Variants in LHX8 observed in about 807,000 individuals in gnomAD.
LHX8 encodes the protein LIM homeobox 8.
In LHX8, 12 loss-of-function variants were observed where a neutral mutation model predicts 40.3. That is an observed-to-expected ratio of 0.30 (90% CI 0.19 to 0.48). The LOEUF (loss-of-function observed/expected upper bound fraction) is 0.48, where lower values mean the gene tolerates loss of function less well. Ranked by LOEUF, LHX8 falls within the 20% of genes least tolerant of loss-of-function variation. The probability of loss-of-function intolerance (pLI) is 0.99; values close to 1 mark genes in which losing one functional copy is unlikely to be tolerated. For missense variants in LHX8, 344 were observed against 433.7 expected (o/e 0.79, Z 1.84); for synonymous variants, 179 against 162.0 (o/e 1.10, Z -0.80).
the LHX8 span, among the ~76,000 whole-genome samples, chr1:75,190,949 ACT>A: frequency 6.6e-6 from 1 of 152,090 alleles, no homozygotes; most frequent in Non-Finnish European, 1.5e-5. Flanking sequence ...TAGTTACATG[ACT>A]CTGTTTGTTA....
Position 75,155,469 on chromosome 1 carries a change from T to C in LHX8, c.781-1424T>C, listed in dbSNP as rs185383103. On this transcript the variant is annotated intron_variant, in intron 7 of 8. Transcript: ENST00000356261. ...CAGGATGGTCTCGATCTCCTGACCT[T>C]GTGATTCGCCCGCCTTGGCCTCCCA... 3.2e-3 allele frequency among the ~76,000 whole-genome samples: 482 copies of C among 152,098 alleles called. 3 individuals are homozygous for C. The highest frequency in any genetic ancestry group is 0.023 in the South Asian group (113 of 4,812).
chr1:75,139,980 C>G (rs1648268442), intron 3 of LHX8, among the ~76,000 whole-genome samples: 1 of 152,100 alleles, frequency 6.6e-6, no homozygotes, highest in Non-Finnish European at 1.5e-5. Flanking sequence ...TTGTATGTTA[C>G]TGTTCTTTTA....
At chr1:75,187,704 T>C in the LHX8 span, among the ~76,000 whole-genome samples, 17,489 of 152,070 alleles carry the variant, frequency 0.12, 1,656 homozygotes, top group African/African-American at 0.26. Context: ...ATAGTAAGGG[T>C]CTGCACTTAA....
the LHX8 span, among the ~76,000 whole-genome samples, chr1:75,187,906 C>G: frequency 2.6e-5 from 4 of 152,104 alleles, no homozygotes; most frequent in Non-Finnish European, 5.9e-5. Flanking sequence ...AGGAGATAAC[C>G]AGGAATAAGA....
At chr1:75,137,314 G>A in intron 3 of LHX8, 53 bp downstream of exon 3, 1 of 1,560,170 alleles carries the variant, frequency 6.4e-7, no homozygotes, top group Non-Finnish European at 8.8e-7. Context: ...TAGCGTGGGA[G>A]CTCTGGGAAA....
chr1:75,167,829 G>A, the LHX8 span, among the ~76,000 whole-genome samples: 2 of 152,178 alleles, frequency 1.3e-5, no homozygotes, highest in African/African-American at 2.4e-5. Context: ...TGGGCTACAC[G>A]ATGGCCCATG....
At chr1:75,180,719 G>T in the LHX8 span, among the ~76,000 whole-genome samples, 67 of 152,294 alleles carry the variant, frequency 4.4e-4, no homozygotes, top group African/African-American at 1.6e-3. Flanking sequence ...TCTCAGTCGT[G>T]CTTTGTTCTC....
chr1:75,190,352 G>A, the LHX8 span, among the ~76,000 whole-genome samples: 117 of 151,898 alleles, frequency 7.7e-4, no homozygotes, highest in African/African-American at 2.6e-3. Context: ...TCAAAATTTT[G>A]CCCTATATTT....
chr1:75,148,743 A>G, intron 7 of LHX8, 61 bp downstream of exon 7: 3 of 1,162,684 alleles, frequency 2.6e-6, no homozygotes, highest in Non-Finnish European at 2.5e-6. Context: ...GGGTCTCCCT[A>G]TGTTGCCCAG....
At chr1:75,136,224 C>T (rs1332106027) in intron 1 of LHX8, among the ~76,000 whole-genome samples, 1 of 151,840 alleles carries the variant, frequency 6.6e-6, no homozygotes, top group Admixed American at 6.6e-5. Context: ...CCCCGCACCC[C>T]CTTTAGCCCG....
intron 8 of LHX8, among the ~76,000 whole-genome samples, chr1:75,159,054 A>T (rs1648845292): frequency 6.6e-6 from 1 of 152,140 alleles, no homozygotes; most frequent in African/African-American, 2.4e-5. Flanking sequence ...AATCTTGCAC[A>T]TCTTCTGTTA....
At chr1:75,146,147 A>G (rs180810163) in intron 6 of LHX8, among the ~76,000 whole-genome samples, 21 of 152,238 alleles carry the variant, frequency 1.4e-4, no homozygotes, top group African/African-American at 4.3e-4. Context: ...AAACTCTCCT[A>G]CATTTAGGAA....
chr1:75,150,582 A>C (rs1223833049), intron 7 of LHX8, among the ~76,000 whole-genome samples: 1 of 152,146 alleles, frequency 6.6e-6, no homozygotes, highest in Non-Finnish European at 1.5e-5. Flanking sequence ...GGTGGAGAAG[A>C]AGCATGGAAG....
the LHX8 span, among the ~76,000 whole-genome samples, chr1:75,198,590 C>T: frequency 0.01 from 1,562 of 152,262 alleles, 24 homozygotes; most frequent in African/African-American, 0.035. Context: ...TCCCCTTGGC[C>T]TGTTTCTCAA....
At chr1:75,171,090 G>T in the LHX8 span, among the ~76,000 whole-genome samples, 1 of 152,088 alleles carries the variant, frequency 6.6e-6, no homozygotes, top group South Asian at 2.1e-4. Flanking sequence ...CAGGTGGCCT[G>T]GGAACAAGCC....
intron 3 of LHX8, 66 bp downstream of exon 3, chr1:75,137,327 A>G: frequency 4.0e-6 from 6 of 1,495,328 alleles, no homozygotes; most frequent in Non-Finnish European, 5.6e-6. Context: ...CTGGGAAAAG[A>G]GTAATGTTCC....
At chr1:75,149,704 C>T (rs753788953) in intron 7 of LHX8, among the ~76,000 whole-genome samples, 16 of 152,248 alleles carry the variant, frequency 1.1e-4, no homozygotes, top group Non-Finnish European at 1.9e-4. Flanking sequence ...CACACCACCA[C>T]GCCTGGCTAA....
intron 7 of LHX8, among the ~76,000 whole-genome samples, 172 bp from the exon 8 acceptor site, chr1:75,156,721 G>C (rs1308679197): frequency 6.6e-6 from 1 of 152,172 alleles, no homozygotes; most frequent in Non-Finnish European, 1.5e-5. Flanking sequence ...CTGTTATTTG[G>C]ACTAAAATGT....
At chr1:75,165,617 AG>A (rs2100373002), downstream of LHX8, among the ~76,000 whole-genome samples, 1 of 152,230 alleles carries the variant, frequency 6.6e-6, no homozygotes, top group Admixed American at 6.5e-5. Context: ...AAAGAATAGA[AG>A]GGGTCCTGGG....
Sources: gnomAD v4.1 joint callset for allele counts (sites outside exome capture counted in the v4.1 genomes callset) on GRCh38, gnomAD v4.1.1 for gene constraint, MANE v1.5 for transcripts, NCBI Gene and HGNC (gene_info 2026-07-23, HGNC 2026-07-21) for gene names.